SRGAP2B: variants seen among roughly 807,000 people sequenced by gnomAD.
The protein encoded by SRGAP2B is SLIT-ROBO Rho GTPase activating protein 2B, also known as SLIT-ROBO Rho GTPase-activating protein 2B.
In SRGAP2B, 9 loss-of-function variants were observed where a neutral mutation model predicts 22.2. That is an observed-to-expected ratio of 0.41 (90% CI 0.24 to 0.71). SRGAP2B has a LOEUF of 0.71. Ranked by LOEUF, SRGAP2B falls within the 30% of genes least tolerant of loss-of-function variation. The probability of loss-of-function intolerance (pLI) is 0.35; values close to 1 mark genes in which losing one functional copy is unlikely to be tolerated. For missense variants in SRGAP2B, 114 were observed against 235.8 expected, an observed-to-expected ratio of 0.48 and a Z score of 3.38; for synonymous variants, 36 against 87.4, an observed-to-expected ratio of 0.41 and a Z score of 3.28.
At chr1:144,905,792 A>T in intron 6 of SRGAP2B, 67 bp downstream of exon 6, 1 of 708,546 alleles carries the variant, frequency 1.4e-6, no homozygotes, top group Non-Finnish European at 2.6e-6. Flanking sequence ...ACTGTTGGGA[A>T]ATTCCTATCA....
At chr1:144,944,869 C>A (rs1666373386) in intron 4 of SRGAP2B, among the ~76,000 whole-genome samples, 1 of 148,448 alleles carries the variant, frequency 6.7e-6, no homozygotes. Context: ...AAGTGATTCT[C>A]CTGCCTCGGC....
chr1:145,021,812 C>T (rs1342659874), intron 2 of SRGAP2B, among the ~76,000 whole-genome samples: 3 of 135,158 alleles, frequency 2.2e-5, no homozygotes, highest in African/African-American at 9.3e-5. Context: ...AAAACTCCGT[C>T]TCAAAAAAAA....
chr1:144,999,191 ACT>A (rs1408427224), intron 2 of SRGAP2B, among the ~76,000 whole-genome samples: 1 of 150,920 alleles, frequency 6.6e-6, no homozygotes, highest in Non-Finnish European at 1.5e-5. Flanking sequence ...GGATGAGAAT[ACT>A]TGGGAGCTAT....
intron 2 of SRGAP2B, among the ~76,000 whole-genome samples, chr1:145,013,760 T>TA (rs1455441435): frequency 2.7e-5 from 4 of 150,182 alleles, no homozygotes; most frequent in Non-Finnish European, 4.4e-5. Flanking sequence ...TTTCCTTTTT[T>TA]AAAAAATCAA....
At chr1:144,933,044 A>T (rs1195896609) in intron 4 of SRGAP2B, among the ~76,000 whole-genome samples, 2 of 151,422 alleles carry the variant, frequency 1.3e-5, no homozygotes, top group Non-Finnish European at 2.9e-5. Context: ...GCTCCCAAAG[A>T]GGGCATCACT....
At chr1:144,896,245 CCTT>C (rs1399544951) in intron 8 of SRGAP2B, among the ~76,000 whole-genome samples, 1 of 43,062 alleles carries the variant, frequency 2.3e-5, no homozygotes, top group African/African-American at 1.1e-4. Flanking sequence ...TATACAACCT[CCTT>C]CTAATTTCAC....
chr1:144,954,105 C>T (rs587724793), intron 4 of SRGAP2B, among the ~76,000 whole-genome samples: 2 of 144,044 alleles, frequency 1.4e-5, no homozygotes, highest in Non-Finnish European at 3.0e-5. Context: ...GCCCCAACCA[C>T]AGCACAGCCG....
At chr1:144,956,534 G>A (rs776819389) in intron 3 of SRGAP2B, among the ~76,000 whole-genome samples, 28 of 91,894 alleles carry the variant, frequency 3.0e-4, no homozygotes, top group Non-Finnish European at 4.2e-4. Flanking sequence ...TGCAACCTCC[G>A]CCTCCCGCTT....
chr1:145,036,349 G>A (rs1194951107), intron 2 of SRGAP2B, among the ~76,000 whole-genome samples: 2 of 146,150 alleles, frequency 1.4e-5, no homozygotes, highest in African/African-American at 2.7e-5. Context: ...GGCAGCCCTC[G>A]ATTTACTGCC....
intron 3 of SRGAP2B, among the ~76,000 whole-genome samples, chr1:144,975,977 C>T (rs587666695): frequency 6.8e-6 from 1 of 147,978 alleles, no homozygotes; most frequent in South Asian, 2.1e-4. Context: ...AGGTTCACCC[C>T]ATTCTCCTGC....
intron 4 of SRGAP2B, among the ~76,000 whole-genome samples, chr1:144,940,197 AGT>A (rs1665916791): frequency 9.1e-6 from 1 of 109,362 alleles, no homozygotes; most frequent in Admixed American, 9.8e-5. Flanking sequence ...TAATTTCATT[AGT>A]GTAAAGATGA....
chr1:144,961,326 C>A (rs1398053013), intron 3 of SRGAP2B, among the ~76,000 whole-genome samples: 5 of 151,152 alleles, frequency 3.3e-5, no homozygotes, highest in African/African-American at 1.2e-4. Context: ...TTGCCCAAAC[C>A]CTAGATGCTT....
intron 2 of SRGAP2B, among the ~76,000 whole-genome samples, chr1:145,064,228 G>C (rs1316044205): frequency 6.8e-6 from 1 of 146,228 alleles, no homozygotes; most frequent in Non-Finnish European, 1.5e-5. Context: ...ATGCAGCACT[G>C]TCACATGGGG....
chr1:145,066,713 C>T (rs1553632432), intron 2 of SRGAP2B, among the ~76,000 whole-genome samples: 1 of 151,786 alleles, frequency 6.6e-6, no homozygotes, highest in Admixed American at 6.6e-5. Context: ...ACGCTGAACG[C>T]AGCCGCCTGA....
intron 2 of SRGAP2B, among the ~76,000 whole-genome samples, chr1:145,011,467 A>G (rs144152295): frequency 0.015 from 2,225 of 149,736 alleles, 140 homozygotes; most frequent in Middle Eastern, 0.038. Flanking sequence ...CTGACTTACC[A>G]TTCCCTCATA....
intron 2 of SRGAP2B, among the ~76,000 whole-genome samples, chr1:145,005,964 G>T (rs1671560277): frequency 6.6e-6 from 1 of 150,766 alleles, no homozygotes; most frequent in South Asian, 2.1e-4. Flanking sequence ...TTCAGTTTAT[G>T]CACCACCCCA....
rs1629740 is a variant in SRGAP2B at position 144,951,128 on chromosome 1, G to A, written c.423+4311C>T. Among the ~76,000 whole-genome samples the A allele has an allele frequency of 3.2e-3, 489 of 150,998 alleles. 3 individuals carry two copies. Among genetic ancestry groups the A allele is most frequent in the Middle Eastern group, 6.9e-3 (2 of 288 alleles). On this transcript the variant is annotated intron_variant, in intron 4 of 9. Coordinates refer to ENST00000612199, the Ensembl canonical transcript of SRGAP2B. The stretch of plus-strand genomic sequence containing the variant: ...CTCCCAAAGCGCTGCGATTACAGGC[G>A]TGAGCCACCGCTCCCAGCCCTCTGT...
At chr1:144,920,965 A>C (rs1420908233) in intron 4 of SRGAP2B, among the ~76,000 whole-genome samples, 2 of 149,542 alleles carry the variant, frequency 1.3e-5, no homozygotes, top group Non-Finnish European at 1.5e-5. Context: ...GCTGGATTTT[A>C]GGGAGTAAGC....
At chr1:144,942,809 A>C (rs1313650442) in intron 4 of SRGAP2B, among the ~76,000 whole-genome samples, 2 of 152,096 alleles carry the variant, frequency 1.3e-5, no homozygotes, top group African/African-American at 2.4e-5. Context: ...TAAAATTATC[A>C]GATGAATGAC....
Sources: gnomAD v4.1 joint callset for allele counts (sites outside exome capture counted in the v4.1 genomes callset) on GRCh38, gnomAD v4.1.1 for gene constraint, MANE v1.5 for transcripts, NCBI Gene and HGNC (gene_info 2026-07-23, HGNC 2026-07-21) for gene names.